Variants in ZBTB11 observed in about 807,000 individuals in gnomAD.
ZBTB11 encodes zinc finger and BTB domain containing 11.
In ZBTB11, 68 loss-of-function variants were observed where a neutral mutation model predicts 113.1. That is an observed-to-expected ratio of 0.60 (90% CI 0.49 to 0.74). The LOEUF (loss-of-function observed/expected upper bound fraction) is 0.74. ZBTB11 is among the 30% of genes least tolerant of loss of function. The pLI is 0.00. For missense variants in ZBTB11, 1,104 were observed against 1,279.4 expected (o/e 0.86, Z 2.09); for synonymous variants, 518 against 452.6 (o/e 1.14, Z -1.83).
chr3:101,669,706 T>C (rs1240757140), intron 3 of ZBTB11, among the ~76,000 whole-genome samples: 1 of 152,174 alleles, frequency 6.6e-6, no homozygotes, highest in Non-Finnish European at 1.5e-5. Context: ...TAATCTAGAA[T>C]GTAATGCCAA....
chr3:101,671,921 TGCA>T, intron 2 of ZBTB11, 54 bp downstream of exon 2: 2 of 1,370,448 alleles, frequency 1.5e-6, no homozygotes, highest in Non-Finnish European at 2.1e-6. Context: ...TCACCAAGGC[TGCA>T]AATACTAGTA....
At chr3:101,656,485 C>A (rs750160448) in intron 6 of ZBTB11, among the ~76,000 whole-genome samples, 1 of 152,140 alleles carries the variant, frequency 6.6e-6, no homozygotes, top group Non-Finnish European at 1.5e-5. Context: ...CAGAGATTCT[C>A]AAAATAGTAA....
intron 3 of ZBTB11, 39 bp from the exon 4 acceptor site, chr3:101,665,847 T>C: frequency 3.9e-6 from 6 of 1,521,910 alleles, no homozygotes; most frequent in Non-Finnish European, 5.3e-6. Flanking sequence ...AAAAAGTCAA[T>C]TATCAATGAA....
Position 101,676,681 on chromosome 3 carries a change from C to A in ZBTB11, c.234G>T (p.Ala78=). The A allele has an allele frequency of 6.3e-7, 1 of 1,594,356 alleles. No homozygotes were observed. Among genetic ancestry groups the A allele is most frequent in the Non-Finnish European group, 8.6e-7 (1 of 1,169,160 alleles). ...PERRRDLIEA[A]HLGPGGTHHT... Reference sequence around the variant, plus strand: ...GGTGAGTGCCGCCGGGACCCAGGTGCGCCGCCTCGATGAGGTCCCGGCGTC... The same window carrying A: ...GGTGAGTGCCGCCGGGACCCAGGTGAGCCGCCTCGATGAGGTCCCGGCGTC... The change falls in exon 1 of 11, where the codon GCG becomes GCT. Residue 78 remains alanine (A), a synonymous_variant. Transcript: ENST00000312938.
At chr3:101,666,738 T>C (rs1198073292) in intron 3 of ZBTB11, among the ~76,000 whole-genome samples, 1 of 152,046 alleles carries the variant, frequency 6.6e-6, no homozygotes, top group Non-Finnish European at 1.5e-5. Flanking sequence ...GCCAATATTT[T>C]TATTTATTTA....
chr3:101,672,023 G>C lies in ZBTB11; in HGVS notation c.501C>G (p.Ser167=). ...SNFTSSPTTA[S]KPAKKKPVSK... is the part of the protein sequence containing the mutation. ...ATACTGGCTTCTTTTTTGCAGGCTTGGATGCTGTAGTTGGAGATGAAGTAA... is the reference window on the plus strand; with the variant it reads ...ATACTGGCTTCTTTTTTGCAGGCTTCGATGCTGTAGTTGGAGATGAAGTAA... Residue 167 remains serine (S), a synonymous_variant, in exon 2 of 11, where the codon TCC becomes TCG. Transcript: ENST00000312938. 1.2e-6 allele frequency: 2 copies of C among 1,614,058 alleles called. No homozygotes were observed. Among genetic ancestry groups the C allele is most frequent in the Non-Finnish European group, 1.7e-6 (2 of 1,180,004 alleles).
intron 5 of ZBTB11, among the ~76,000 whole-genome samples, chr3:101,661,425 T>G (rs1936885714): frequency 6.6e-6 from 1 of 152,174 alleles, no homozygotes; most frequent in African/African-American, 2.4e-5. Context: ...AACAGCTTCC[T>G]GAGAAAATTT....
At chr3:101,662,047 TAG>T (rs1338381864) in intron 5 of ZBTB11, 1 of 152,034 alleles carries the variant, frequency 6.6e-6, no homozygotes, top group Non-Finnish European at 1.5e-5. Context: ...AAAATTTTTT[TAG>T]ACTTTTTTTT....
intron 7 of ZBTB11, among the ~76,000 whole-genome samples, 175 bp from the exon 8 acceptor site, chr3:101,654,996 G>T (rs1025503683): frequency 6.6e-6 from 1 of 152,052 alleles, no homozygotes; most frequent in African/African-American, 2.4e-5. Flanking sequence ...TCCTGCCTCA[G>T]CTTCCCGAGT....
chr3:101,671,725 A>G, intron 2 of ZBTB11: 1 of 596,908 alleles, frequency 1.7e-6, no homozygotes, highest in Non-Finnish European at 3.0e-6. Context: ...ACTTGTACCA[A>G]TATATCATCA....
chr3:101,675,772 T>C (rs1937156754), intron 1 of ZBTB11, among the ~76,000 whole-genome samples: 1 of 152,090 alleles, frequency 6.6e-6, no homozygotes, highest in South Asian at 2.1e-4. Context: ...TTCACATCAT[T>C]AGGGGAAAGA....
chr3:101,671,556 C>T (rs1435950007), intron 2 of ZBTB11, 195 bp from the exon 3 acceptor site: 8 of 590,180 alleles, frequency 1.4e-5, no homozygotes, highest in Non-Finnish European at 2.4e-5. Context: ...TCTACCTCAC[C>T]TAATGAAAAT....
At chr3:101,673,440 G>A (rs1241011386) in intron 1 of ZBTB11, among the ~76,000 whole-genome samples, 2 of 152,006 alleles carry the variant, frequency 1.3e-5, no homozygotes. Flanking sequence ...AAGGTTATGA[G>A]GTAAAATGAT....
In ZBTB11 at chr3:101,665,417, T is replaced by C; in HGVS notation, c.1170A>G (p.Ser390=). The C allele has an allele frequency of 6.2e-7, 1 of 1,614,228 alleles. No homozygotes were observed. ...VGRQPEPQVS[S]EAESALSSVG... ...CTGATGACAGGGCAGATTCAGCCTC[T>C]GAAGAAACCTGGGGCTCAGGCTGTC... is the stretch of plus-strand genomic sequence containing the variant. The change falls in exon 4 of 11, where the codon TCA becomes TCG. Residue 390 remains serine, a synonymous_variant. Transcript: ENST00000312938.
chr3:101,672,145 G>C lies in ZBTB11; in HGVS notation c.379C>G (p.Arg127Gly). The change falls in exon 2 of 11, where the codon CGT becomes GGT. Residue 127 changes from arginine to glycine, a missense_variant. By Grantham distance (125) the Arg-to-Gly change is moderately radical. This residue lies in a region of ZBTB11 where 245 missense variants were observed against 272.5 expected (regional missense o/e 0.90). Coordinates refer to ENST00000312938, the MANE Select transcript of ZBTB11 (RefSeq NM_014415.4). ...ATTTCTGAAACATCTGATATTGGAC[G>C]GGATCGATCTAGTTTCTCCTGGCAT... is the stretch of plus-strand genomic sequence containing the variant. The part of the protein sequence containing the change: ...SKCQEKLDRS[R>G]PISDVSEMLE... The C allele has an allele frequency of 6.2e-7, 1 of 1,614,092 alleles. No homozygotes were observed. Among genetic ancestry groups the C allele is most frequent in the Non-Finnish European group, 8.5e-7 (1 of 1,180,008 alleles).
intron 1 of ZBTB11, among the ~76,000 whole-genome samples, chr3:101,674,426 A>T (rs938532540): frequency 6.6e-6 from 1 of 152,030 alleles, no homozygotes; most frequent in Non-Finnish European, 1.5e-5. Context: ...AAGAGGTTGT[A>T]TTGGCCGGGC....
intron 1 of ZBTB11, among the ~76,000 whole-genome samples, chr3:101,676,273 G>A (rs1306197297): frequency 7.6e-6 from 1 of 131,186 alleles, no homozygotes; most frequent in Non-Finnish European, 1.7e-5. Flanking sequence ...CACCTCCAGA[G>A]GGCCGGGGCC....
intron 1 of ZBTB11, among the ~76,000 whole-genome samples, chr3:101,675,332 T>C (rs1937146331): frequency 6.6e-6 from 1 of 152,254 alleles, no homozygotes; most frequent in Non-Finnish European, 1.5e-5. Context: ...TTAATTCAGA[T>C]ATTGGTTTAA....
intron 1 of ZBTB11, among the ~76,000 whole-genome samples, chr3:101,675,389 G>C (rs373522101): frequency 1.3e-5 from 2 of 152,172 alleles, no homozygotes; most frequent in African/African-American, 4.8e-5. Flanking sequence ...GTTCGTAAAC[G>C]AATAAACTTG....
Sources: gnomAD v4.1 joint callset for allele counts (sites outside exome capture counted in the v4.1 genomes callset) on GRCh38, gnomAD v4.1.1 for gene constraint, gnomAD v4.1.1 regional missense constraint, MANE v1.5 for transcripts, NCBI Gene and HGNC (gene_info 2026-07-23, HGNC 2026-07-21) for gene names.